The following XIRP2 variants were observed in gnomAD, a reference collection of about 807,000 sequenced individuals.
The protein encoded by XIRP2 is xin actin binding repeat containing 2, also known as xin actin-binding repeat-containing protein 2.
A neutral mutation model predicts 277.0 loss-of-function variants in XIRP2; 236 were observed. The observed-to-expected ratio is 0.85, with a 90% CI of 0.77 to 0.95. XIRP2 has a LOEUF of 0.95. XIRP2 is among the 40% of genes least tolerant of loss of function. The pLI is 0.00. For synonymous variants in XIRP2, 1,490 were observed against 1,416.5 expected (o/e 1.05, Z -1.17); for missense variants, 4,640 against 4,157.5 (o/e 1.12, Z -3.19).
chr2:166,935,878 A>T lies in XIRP2; in HGVS notation c.408+31988A>T, dbSNP rs112195571. The stretch of plus-strand genomic sequence containing the variant: ...AATAGTGCCGCAATAAACATACGTG[A>T]GCATGTGTCTTTAGAGCAGCATGAT... On this transcript the variant is annotated intron_variant, in intron 2 of 10. Transcript: ENST00000409195. 3.6e-3 allele frequency among the ~76,000 whole-genome samples: 555 copies of T among 152,286 alleles called. 4 individuals carry two copies. The highest frequency in any genetic ancestry group is 0.012 in the African/African-American group (503 of 41,568).
intron 5 of XIRP2, among the ~76,000 whole-genome samples, chr2:167,221,460 CAA>C (rs57006710): frequency 1.4e-4 from 9 of 63,486 alleles, no homozygotes; most frequent in African/African-American, 2.8e-4. Context: ...AACTCCATCT[CAA>C]AAAAAAAAAA....
chr2:167,018,592 C>T (rs1687896821), intron 2 of XIRP2, among the ~76,000 whole-genome samples: 1 of 151,900 alleles, frequency 6.6e-6, no homozygotes, highest in African/African-American at 2.4e-5. Context: ...AGAAGAGTCC[C>T]ACATCCCACA....
In XIRP2 at chr2:166,905,005, A is replaced by G. The variant is rs563504972; in HGVS notation, c.408+1115A>G. On this transcript the variant is annotated intron_variant, in intron 2 of 10. Coordinates refer to ENST00000409195, the MANE Select transcript of XIRP2 (RefSeq NM_152381.6). ...TCAAGTAACTCTAATTTGTTTAATG[A>G]TAATAAGAGATATGAAGTTATATTT... Among the ~76,000 whole-genome samples the G allele has an allele frequency of 4.2e-3, 635 of 152,162 alleles. 4 individuals carry two copies. The highest frequency in any genetic ancestry group is 0.014 in the African/African-American group (586 of 41,550).
chr2:167,036,243 T>A (rs1228549103), intron 2 of XIRP2, among the ~76,000 whole-genome samples: 1 of 152,132 alleles, frequency 6.6e-6, no homozygotes, highest in Non-Finnish European at 1.5e-5. Flanking sequence ...GAATGTTAGA[T>A]CCACTGACAG....
At chr2:166,935,033 A>C (rs1685454421) in intron 2 of XIRP2, among the ~76,000 whole-genome samples, 1 of 83,356 alleles carries the variant, frequency 1.2e-5, no homozygotes, top group South Asian at 5.5e-4. Flanking sequence ...TCCTTCTCAG[A>C]AAAAAAAAAA....
Position 167,247,359 on chromosome 2 carries a change from G to T in XIRP2, c.5967G>T (p.Lys1989Asn), listed in dbSNP as rs1359054198. The change falls in exon 9 of 11, where the codon AAG (lysine) becomes AAT (asparagine). Residue 1989 changes from lysine to asparagine, a missense_variant. Physicochemically the swap from Lys to Asn is moderately conservative, Grantham distance 94 (BLOSUM62 0). Transcript: ENST00000409195. The part of the protein sequence containing the change: ...PKPGPFEPAA[K>N]WQGGADTLSQ... ...CAGGTCCATTTGAGCCAGCGGCCAA[G>T]TGGCAAGGGGGAGCAGATACTCTCA... 6.2e-7 allele frequency: 1 copy of T among 1,613,796 alleles called. No homozygotes were observed. The highest frequency in any genetic ancestry group is 8.5e-7 in the Non-Finnish European group (1 of 1,179,810).
chr2:167,164,138 T>G (rs73019993), intron 3 of XIRP2, among the ~76,000 whole-genome samples: 15,023 of 152,170 alleles, frequency 0.099, 797 homozygotes, highest in South Asian at 0.15. Flanking sequence ...TCCATATTCC[T>G]TTAGAATTAA....
At chr2:167,112,881 C>T (rs1292029021) in intron 2 of XIRP2, among the ~76,000 whole-genome samples, 1 of 152,062 alleles carries the variant, frequency 6.6e-6, no homozygotes, top group Non-Finnish European at 1.5e-5. Flanking sequence ...TCTCAAACTC[C>T]TGGCCTCAAT....
At position 167,194,589 on chromosome 2, in the gene XIRP2, G is replaced by A. The variant is rs897402028; in HGVS notation, c.563-16146G>A. ...AGAATCACAGAAACATCATCTCCTA[G>A]AGCCAGAAGAGGTTCCAAATGAACT... On this transcript the variant is annotated intron_variant, in intron 3 of 10. Transcript: ENST00000409195. Among the ~76,000 whole-genome samples, 8 of 152,160 alleles carry A rather than the reference G, an allele frequency of 5.3e-5. No individual in the cohort carries two copies. The East Asian group carries it at 1.5e-3, about 29-fold the overall frequency.
chr2:167,259,349 AGTGACACT>A lies in XIRP2; in HGVS notation c.*1534_*1541del. The A allele has an allele frequency of 6.2e-7, 1 of 1,603,746 alleles. No homozygotes were observed. Among genetic ancestry groups the A allele is most frequent in the South Asian group, 1.1e-5 (1 of 89,108 alleles). ...GCAGATTAAAAGAAACAGGTGCTAC[AGTGACACT>A]GAGTAAAATATCTATGGCCACTGAC... On this transcript the variant is annotated 3_prime_UTR_variant, in exon 11 of 11. Coordinates refer to ENST00000409195, the MANE Select transcript of XIRP2 (RefSeq NM_152381.6).
In XIRP2 at chr2:167,242,708, CA is replaced by C. The variant is rs759471063; in HGVS notation, c.1317del (p.Gln440LysfsTer9). 2 of 1,614,068 alleles carry C rather than the reference CA, an allele frequency of 1.2e-6. No homozygotes were observed. The highest frequency in any genetic ancestry group is 1.7e-6 in the Non-Finnish European group (2 of 1,179,966). On this transcript the variant is annotated frameshift_variant, in exon 9 of 11. Transcript: ENST00000409195. LOFTEE classifies it high-confidence loss of function. ...SDHSVTSSTL[A>X]QINATSSGMT... Reference sequence around the variant, plus strand: ...CACAGTGTCACTTCCTCAACTCTGGCACAAATTAATGCTACTTCTTCAGGAA... The same window carrying C: ...CACAGTGTCACTTCCTCAACTCTGGCCAAATTAATGCTACTTCTTCAGGAA...
chr2:167,067,516 G>A (rs1012859665), intron 2 of XIRP2, among the ~76,000 whole-genome samples: 5 of 152,150 alleles, frequency 3.3e-5, no homozygotes, highest in Non-Finnish European at 7.3e-5. Flanking sequence ...TAAAGTGAAT[G>A]TTGCAAGTCA....
intron 3 of XIRP2, among the ~76,000 whole-genome samples, chr2:167,181,915 T>C (rs923095784): frequency 6.6e-6 from 1 of 152,178 alleles, no homozygotes; most frequent in Non-Finnish European, 1.5e-5. Flanking sequence ...CCATCCCAGC[T>C]TATGCCATTA....
intron 2 of XIRP2, among the ~76,000 whole-genome samples, chr2:167,043,111 A>G (rs1688702120): frequency 6.6e-6 from 1 of 152,172 alleles, no homozygotes; most frequent in Admixed American, 6.5e-5. Context: ...TGAAGGCAGA[A>G]ATCAAGAAAT....
intron 2 of XIRP2, among the ~76,000 whole-genome samples, chr2:167,005,447 GATTA>G (rs1290962844): frequency 6.6e-6 from 1 of 151,796 alleles, no homozygotes; most frequent in Non-Finnish European, 1.5e-5. Flanking sequence ...GATGTAAAGG[GATTA>G]ATTAAAGTCA....
intron 2 of XIRP2, among the ~76,000 whole-genome samples, chr2:166,931,675 G>A (rs752506047): frequency 5.3e-5 from 8 of 152,144 alleles, no homozygotes; most frequent in Non-Finnish European, 1.2e-4. Context: ...TTTTGTGGGT[G>A]TGTATTTGAG....
chr2:166,928,457 C>G (rs1685245611), intron 2 of XIRP2, among the ~76,000 whole-genome samples: 1 of 152,114 alleles, frequency 6.6e-6, no homozygotes, highest in Non-Finnish European at 1.5e-5. Context: ...AATTCAGCTT[C>G]CAAGTTTGCA....
rs1412549174 is a variant in XIRP2 at position 167,249,817 on chromosome 2, G to A, written c.8425G>A (p.Gly2809Arg). Residue 2809 changes from glycine (G) to arginine (R), a missense_variant, in exon 9 of 11, where the codon GGA becomes AGA. Physicochemically the swap from Gly to Arg is moderately radical, Grantham distance 125 (BLOSUM62 -2). Coordinates refer to ENST00000409195, the MANE Select transcript of XIRP2 (RefSeq NM_152381.6). The part of the protein sequence containing the change: ...MVPRKQREFS[G>R]SDRGKLPGSE... ...TCCCAGGAAGCAAAGAGAATTTAGC[G>A]GATCTGACAGAGGGAAACTTCCAGG... The A allele has an allele frequency of 3.1e-6, 5 of 1,613,372 alleles. No individual in the cohort carries two copies. The highest frequency in any genetic ancestry group is 2.2e-5 in the East Asian group (1 of 44,810).
At chr2:166,936,032 T>A (rs1298216704) in intron 2 of XIRP2, among the ~76,000 whole-genome samples, 1 of 152,182 alleles carries the variant, frequency 6.6e-6, no homozygotes, top group South Asian at 2.1e-4. Flanking sequence ...CCACCAACAG[T>A]GTAAAAGTGT....
Sources: gnomAD v4.1 joint callset for allele counts (sites outside exome capture counted in the v4.1 genomes callset) on GRCh38, gnomAD v4.1.1 for gene constraint, MANE v1.5 for transcripts, NCBI Gene and HGNC (gene_info 2026-07-23, HGNC 2026-07-21) for gene names.